The following SPAG17 variants were observed in gnomAD, a reference collection of about 807,000 sequenced individuals.
The protein encoded by SPAG17 is sperm associated antigen 17, also known as sperm-associated antigen 17.
A neutral mutation model predicts 273.6 loss-of-function variants in SPAG17; 169 were observed. That is an observed-to-expected ratio of 0.62 (90% confidence interval 0.55 to 0.70). The LOEUF (loss-of-function observed/expected upper bound fraction) is 0.70, where lower values mean the gene tolerates loss of function less well. SPAG17 is among the 30% of genes least tolerant of loss of function. The pLI, the probability that SPAG17 is intolerant of heterozygous loss-of-function variation, is 0.00. For missense variants in SPAG17, 2,557 were observed against 2,627.8 expected, an observed-to-expected ratio of 0.97 and a Z score of 0.59; for synonymous variants, 825 against 873.2, an observed-to-expected ratio of 0.94 and a Z score of 0.97.
At chr1:118,001,822 T>C (rs1658320804) in intron 32 of SPAG17, among the ~76,000 whole-genome samples, 1 of 152,214 alleles carries the variant, frequency 6.6e-6, no homozygotes, top group Non-Finnish European at 1.5e-5. Context: ...CGCTATCTCT[T>C]TCAGTTCTGC....
At chr1:118,078,567 T>G (rs1235285606) in intron 15 of SPAG17, among the ~76,000 whole-genome samples, 1 of 152,124 alleles carries the variant, frequency 6.6e-6, no homozygotes, top group Non-Finnish European at 1.5e-5. Flanking sequence ...AACCTTATGC[T>G]TTTATCTAAA....
chr1:118,016,938 C>T (rs1408746416), intron 28 of SPAG17, among the ~76,000 whole-genome samples: 1 of 152,116 alleles, frequency 6.6e-6, no homozygotes, highest in African/African-American at 2.4e-5. Flanking sequence ...ACAGTGTTAT[C>T]ACATCTCAAT....
chr1:118,163,968 C>T (rs1660046855), intron 1 of SPAG17, among the ~76,000 whole-genome samples: 1 of 152,148 alleles, frequency 6.6e-6, no homozygotes, highest in Non-Finnish European at 1.5e-5. Context: ...CTTGAATTGC[C>T]ATTTTGTGAC....
intron 13 of SPAG17, 103 bp from the exon 14 acceptor site, chr1:118,081,745 A>G (rs1654592861): frequency 5.4e-6 from 5 of 928,808 alleles, no homozygotes; most frequent in African/African-American, 1.7e-5. Flanking sequence ...GAAAGACAAG[A>G]GAGTCACGCC....
At chr1:118,066,113 G>A (rs1652936679) in intron 18 of SPAG17, among the ~76,000 whole-genome samples, 1 of 151,978 alleles carries the variant, frequency 6.6e-6, no homozygotes, top group East Asian at 1.9e-4. Context: ...TATTATGTAA[G>A]TCCATTCTGT....
chr1:118,023,749 TTTA>T (rs1438381319), intron 27 of SPAG17, among the ~76,000 whole-genome samples: 1 of 152,190 alleles, frequency 6.6e-6, no homozygotes, highest in African/African-American at 2.4e-5. Flanking sequence ...TGATTTGAGT[TTTA>T]TTTTTTCCAT....
chr1:118,075,746 T>C (rs1654027410), intron 15 of SPAG17, among the ~76,000 whole-genome samples: 1 of 152,156 alleles, frequency 6.6e-6, no homozygotes, highest in Non-Finnish European at 1.5e-5. Context: ...GACTCTCCCT[T>C]GCTCATTCTA....
chr1:118,002,583 T>G (rs571530754), intron 32 of SPAG17, among the ~76,000 whole-genome samples: 7 of 152,362 alleles, frequency 4.6e-5, no homozygotes, highest in Admixed American at 1.3e-4. Context: ...TGTAATGGCC[T>G]TCTTTGTCTC....
rs530886303 is a variant in SPAG17 at position 118,042,184 on chromosome 1, C to T, written c.2815-142G>A. The T allele has an allele frequency of 3.9e-5, 39 of 991,294 alleles. No individual in the cohort carries two copies. In the African/African-American group the frequency reaches 4.4e-4, roughly 11 times the overall value. The allele number at this position is 991,294 out of a possible 1,614,324, so 61.4% of individuals were successfully genotyped here. On this transcript the variant is annotated intron_variant, in intron 20 of 48. Transcript: ENST00000336338. ...CAAAATACTGAACTAGAAGCCTTGA[C>T]GTCATCCTTAATTCTCTTTCTCACT...
At chr1:118,076,724 G>C (rs1254474470) in intron 15 of SPAG17, among the ~76,000 whole-genome samples, 1 of 148,590 alleles carries the variant, frequency 6.7e-6, no homozygotes, top group African/African-American at 2.6e-5. Context: ...TAATAGTAGA[G>C]TAAAAATCAT....
intron 17 of SPAG17, among the ~76,000 whole-genome samples, chr1:118,072,519 G>C (rs1199767567): frequency 6.6e-6 from 1 of 152,202 alleles, no homozygotes; most frequent in Admixed American, 6.5e-5. Flanking sequence ...TATCTGTTAT[G>C]TTTGAATGTA....
chr1:118,097,297 T>G (rs960863612), intron 7 of SPAG17, among the ~76,000 whole-genome samples: 1 of 151,934 alleles, frequency 6.6e-6, no homozygotes, highest in Non-Finnish European at 1.5e-5. Context: ...ACATAAAAAG[T>G]CAGACATGTA....
intron 32 of SPAG17, 141 bp downstream of exon 32, chr1:118,005,273 C>G: frequency 1.6e-6 from 1 of 608,978 alleles, no homozygotes; most frequent in Non-Finnish European, 2.7e-6. Flanking sequence ...ACATTCATTA[C>G]TGCTTGCCCA....
chr1:118,099,477 T>A (rs571699216), intron 6 of SPAG17, 129 bp downstream of exon 6: 1 of 1,006,474 alleles, frequency 9.9e-7, no homozygotes, highest in Non-Finnish European at 1.5e-6. Context: ...AAATGGCAAA[T>A]CAAAGTCTTG....
chr1:118,149,271 G>A (rs1659242031), intron 3 of SPAG17, among the ~76,000 whole-genome samples: 1 of 152,164 alleles, frequency 6.6e-6, no homozygotes, highest in South Asian at 2.1e-4. Context: ...CTCTGGGTTT[G>A]TAATCTTGTG....
intron 2 of SPAG17, among the ~76,000 whole-genome samples, chr1:118,150,977 CT>C (rs1659345465): frequency 6.6e-6 from 1 of 152,058 alleles, no homozygotes; most frequent in Admixed American, 6.6e-5. Context: ...GTCACAGAAC[CT>C]AGCATGGTGC....
intron 3 of SPAG17, among the ~76,000 whole-genome samples, chr1:118,142,295 G>T: frequency 6.6e-6 from 1 of 152,144 alleles, no homozygotes; most frequent in Middle Eastern, 3.4e-3. Flanking sequence ...ACAGAAAATC[G>T]AACAGTGGTC....
intron 3 of SPAG17, among the ~76,000 whole-genome samples, chr1:118,122,380 C>A (rs1657473449): frequency 6.6e-6 from 1 of 152,188 alleles, no homozygotes; most frequent in Admixed American, 6.5e-5. Context: ...GAAGCCATAA[C>A]TACATATGTG....
At chr1:118,174,431 A>T (rs919305356) in intron 1 of SPAG17, among the ~76,000 whole-genome samples, 2 of 152,170 alleles carry the variant, frequency 1.3e-5, no homozygotes, top group African/African-American at 4.8e-5. Flanking sequence ...GAGTCTGATA[A>T]GCAAAAAGAA....
Sources: gnomAD v4.1 joint callset for allele counts (sites outside exome capture counted in the v4.1 genomes callset) on GRCh38, gnomAD v4.1.1 for gene constraint, MANE v1.5 for transcripts, NCBI Gene and HGNC (gene_info 2026-07-23, HGNC 2026-07-21) for gene names.